The following METTL2B variants were observed in gnomAD, a reference collection of about 807,000 sequenced individuals.
METTL2B encodes the protein tRNA N(3)-cytidine methyltransferase METTL2B.
In METTL2B, 28 loss-of-function variants were observed where a neutral mutation model predicts 51.0. The ratio of observed to expected loss-of-function variants is 0.55; its 90% confidence interval spans 0.41 to 0.75. METTL2B has a LOEUF of 0.75. METTL2B is among the 30% of genes least tolerant of loss of function. METTL2B has a pLI of 0.00. For synonymous variants in METTL2B, 128 were observed against 166.3 expected, an observed-to-expected ratio of 0.77 and a Z score of 1.77; for missense variants, 313 against 460.7, an observed-to-expected ratio of 0.68 and a Z score of 2.93.
chr7:128,479,556 A>T, intron 3 of METTL2B, 43 bp downstream of exon 3: 2 of 1,584,682 alleles, frequency 1.3e-6, no homozygotes, highest in Non-Finnish European at 1.7e-6. Flanking sequence ...TGAAGCTATT[A>T]TATTTGTGCA....
intron 7 of METTL2B, among the ~76,000 whole-genome samples, chr7:128,499,366 T>A (rs924459734): frequency 7.2e-5 from 11 of 152,352 alleles, no homozygotes; most frequent in Non-Finnish European, 1.5e-4. Context: ...AGCCTTTTTT[T>A]TTTCAGATGG....
chr7:128,477,166 G>C lies in METTL2B; in HGVS notation c.195G>C (p.Glu65Asp). Residue 65 changes from glutamate (E) to aspartate (D), a missense_variant, in exon 2 of 9, where the codon GAG (glutamate) becomes GAC (aspartate). Transcript: ENST00000262432. Reference protein sequence around the residue: ...QENSIQRVCQEKQVDYEINAH... With the variant: ...QENSIQRVCQDKQVDYEINAH... ...ACAGTATCCAGCGGGTGTGCCAGGA[G>C]AAACAAGGTGCGCTTAAATGGGCTC... 6.2e-7 allele frequency: 1 copy of C among 1,613,898 alleles called. No homozygotes were observed. Among genetic ancestry groups the C allele is most frequent in the Non-Finnish European group, 8.5e-7 (1 of 1,179,880 alleles).
At chr7:128,501,684 A>T in intron 8 of METTL2B, 78 bp from the exon 9 acceptor site, 1 of 1,559,734 alleles carries the variant, frequency 6.4e-7, no homozygotes. Context: ...CCAGAGCCCC[A>T]TTTAACAAGG....
intron 6 of METTL2B, among the ~76,000 whole-genome samples, 195 bp from the exon 7 acceptor site, chr7:128,497,841 A>G (rs1251885465): frequency 6.6e-6 from 1 of 152,214 alleles, no homozygotes; most frequent in East Asian, 1.9e-4. Flanking sequence ...TTCGGGCTGA[A>G]GGCAGTGGAT....
chr7:128,481,635 C>T (rs1454422536), intron 4 of METTL2B, among the ~76,000 whole-genome samples: 1 of 152,188 alleles, frequency 6.6e-6, no homozygotes, highest in Non-Finnish European at 1.5e-5. Context: ...AACCTGGAAG[C>T]TCATCAAGGG....
chr7:128,479,870 T>A (rs929141093), intron 3 of METTL2B, among the ~76,000 whole-genome samples: 6 of 152,234 alleles, frequency 3.9e-5, no homozygotes, highest in Admixed American at 6.5e-5. Flanking sequence ...AAGAAATTGT[T>A]GCTTCTCTTC....
At position 128,501,864 on chromosome 7, in the gene METTL2B, G is replaced by A. The variant is rs149666702; in HGVS notation, c.1085G>A (p.Arg362Gln). 72 of 1,614,104 alleles carry A rather than the reference G, an allele frequency of 4.5e-5. No homozygotes were observed. The highest frequency in any genetic ancestry group is 5.8e-5 in the Non-Finnish European group (68 of 1,180,062). Residue 362 changes from arginine (R) to glutamine (Q), a missense_variant, in exon 9 of 9, where the codon CGG (arginine) becomes CAG (glutamine). Around this residue, in one of 4 missense-constraint regions of METTL2B, gnomAD observed 138 missense variants for 187.6 expected, o/e 0.74. Coordinates refer to ENST00000262432, the MANE Select transcript of METTL2B (RefSeq NM_018396.3). The part of the protein sequence containing the change: ...VNRGKQLTMY[R>Q]VWIQCKYCKP... ...CGAGGGAAGCAACTGACAATGTACCGGGTTTGGATTCAGTGCAAATACTGC... is the reference window on the plus strand; with the variant it reads ...CGAGGGAAGCAACTGACAATGTACCAGGTTTGGATTCAGTGCAAATACTGC...
intron 4 of METTL2B, among the ~76,000 whole-genome samples, chr7:128,482,307 C>A (rs1799881988): frequency 6.6e-6 from 1 of 152,074 alleles, no homozygotes; most frequent in African/African-American, 2.4e-5. Context: ...GTGCATGCCA[C>A]CACACACAAC....
chr7:128,476,826 G>A lies in METTL2B; in HGVS notation c.61G>A (p.Gly21Arg), dbSNP rs752988826. The A allele has an allele frequency of 6.2e-7, 1 of 1,614,142 alleles. No homozygotes were observed. The highest frequency in any genetic ancestry group is 8.5e-7 in the Non-Finnish European group (1 of 1,180,020). Residue 21 changes from glycine (G) to arginine (R), a missense_variant, in exon 1 of 9, where the codon GGA (glycine) becomes AGA (arginine). By Grantham distance (125) the Gly-to-Arg change is moderately radical. Coordinates refer to ENST00000262432, the MANE Select transcript of METTL2B (RefSeq NM_018396.3). ...CCTCGCCGATAAGAGGCAGCAGTTCGGAAGCCGGTTCCTGAGCGATCCGGC... is the reference window on the plus strand; with the variant it reads ...CCTCGCCGATAAGAGGCAGCAGTTCAGAAGCCGGTTCCTGAGCGATCCGGC... ...AILADKRQQF[G>R]SRFLSDPARV...
intron 6 of METTL2B, among the ~76,000 whole-genome samples, chr7:128,496,808 T>C (rs1378107999): frequency 6.6e-6 from 1 of 151,716 alleles, no homozygotes; most frequent in Non-Finnish European, 1.5e-5. Flanking sequence ...TGAGACAGAG[T>C]TTCGCTCTTG....
Position 128,480,633 on chromosome 7 carries a change from A to G in METTL2B, c.559-14A>G. 1 of 1,599,918 alleles carries G rather than the reference A, an allele frequency of 6.3e-7. No individual in the cohort carries two copies. ...TGGAAAGTTCTGTGATTAATAGTTC[A>G]TTTCTGTCTGCAGGTTGGCTGTGGT... On this transcript the variant is annotated splice_polypyrimidine_tract_variant and intron_variant, in intron 3 of 8. Coordinates refer to ENST00000262432, the MANE Select transcript of METTL2B (RefSeq NM_018396.3).
intron 4 of METTL2B, among the ~76,000 whole-genome samples, chr7:128,484,832 C>T (rs1341326594): frequency 2.0e-5 from 3 of 152,156 alleles, no homozygotes; most frequent in Non-Finnish European, 2.9e-5. Flanking sequence ...CTGCCTGCCT[C>T]GGCCTGCCAA....
rs779719361 is a variant in METTL2B, at chr7:128,501,898, T to C, written c.1119T>C (p.Leu373=). Reference sequence around the variant, plus strand: ...TTCAGTGCAAATACTGCAAGCCCCTTCTGTCCAGCACCAGCTAAGAGGCAC... The same window carrying C: ...TTCAGTGCAAATACTGCAAGCCCCTCCTGTCCAGCACCAGCTAAGAGGCAC... The part of the protein sequence containing the change: ...VWIQCKYCKP[L]LSSTS Residue 373 remains leucine, a synonymous_variant, in exon 9 of 9, where the codon CTT becomes CTC. Coordinates refer to ENST00000262432, the MANE Select transcript of METTL2B (RefSeq NM_018396.3). The C allele has an allele frequency of 4.3e-6, 7 of 1,614,128 alleles. No homozygotes were observed. In the South Asian group the frequency reaches 7.7e-5, roughly 18 times the overall value.
intron 7 of METTL2B, among the ~76,000 whole-genome samples, chr7:128,499,783 A>C (rs1039144872): frequency 2.0e-5 from 3 of 152,078 alleles, no homozygotes; most frequent in Admixed American, 6.6e-5. Flanking sequence ...GGCCTCCCAA[A>C]GTCCTGGGAT....
intron 4 of METTL2B, chr7:128,483,162 A>G (rs1451379864): frequency 2.6e-5 from 4 of 152,188 alleles, no homozygotes. Context: ...TTAATCATCA[A>G]TATCATCAAT....
chr7:128,496,293 C>G (rs952430259), intron 6 of METTL2B, among the ~76,000 whole-genome samples: 1 of 152,128 alleles, frequency 6.6e-6, no homozygotes, highest in African/African-American at 2.4e-5. Flanking sequence ...GCCTATAATC[C>G]CACCACTTTG....
intron 5 of METTL2B, among the ~76,000 whole-genome samples, chr7:128,489,310 C>A (rs968728659): frequency 2.6e-5 from 4 of 151,476 alleles, no homozygotes; most frequent in Non-Finnish European, 4.4e-5. Context: ...GTGGTGGGCA[C>A]CTGTAGTCAC....
chr7:128,480,196 G>A (rs1425549957), intron 3 of METTL2B, among the ~76,000 whole-genome samples: 3 of 152,194 alleles, frequency 2.0e-5, no homozygotes, highest in Non-Finnish European at 2.9e-5. Flanking sequence ...GCTAAGAACA[G>A]TATCTGGCAC....
intron 5 of METTL2B, among the ~76,000 whole-genome samples, chr7:128,490,522 C>T (rs1322308775): frequency 1.3e-5 from 2 of 152,028 alleles, no homozygotes; most frequent in African/African-American, 4.8e-5. Context: ...TGTCATAGAA[C>T]CTAAGGGCAC....
Sources: gnomAD v4.1 joint callset for allele counts (sites outside exome capture counted in the v4.1 genomes callset) on GRCh38, gnomAD v4.1.1 for gene constraint, gnomAD v4.1.1 regional missense constraint, MANE v1.5 for transcripts, NCBI Gene and HGNC (gene_info 2026-07-23, HGNC 2026-07-21) for gene names.